Variants in UGT2B7 observed in about 807,000 individuals in gnomAD.
UGT2B7 encodes UDP-glucuronosyltransferase 2B7.
UGT2B7 carries 51 observed loss-of-function variants against 51.9 expected under a neutral mutation model. The ratio of observed to expected loss-of-function variants is 0.98; its 90% CI spans 0.78 to 1.24. The LOEUF is 1.24. Among genes scored for constraint, UGT2B7 ranks in the 50% most tolerant of loss-of-function variants. The probability of loss-of-function intolerance (pLI) is 0.00; values close to 1 mark genes in which losing one functional copy is unlikely to be tolerated. For synonymous variants in UGT2B7, 225 were observed against 211.6 expected (o/e 1.06, Z -0.55); for missense variants, 727 against 628.4 (o/e 1.16, Z -1.68).
At chr4:69,102,671 C>G in intron 2 of UGT2B7, 136 bp from the exon 3 acceptor site, 2 of 1,342,000 alleles carry the variant, frequency 1.5e-6, no homozygotes, top group Non-Finnish European at 2.0e-6. Flanking sequence ...GTGATTGGGT[C>G]AGTTAAAAAA....
At chr4:69,105,059 G>A (rs1719552693) in intron 3 of UGT2B7, among the ~76,000 whole-genome samples, 2 of 152,136 alleles carry the variant, frequency 1.3e-5, no homozygotes, top group Admixed American at 1.3e-4. Context: ...CCCAGCCAAT[G>A]TCTGAAGCAG....
chr4:69,109,460 C>G (rs1291184406), intron 5 of UGT2B7, among the ~76,000 whole-genome samples: 1 of 152,040 alleles, frequency 6.6e-6, no homozygotes, highest in Admixed American at 6.6e-5. Context: ...TCATCCTGGT[C>G]TTGGATTGCA....
At position 69,098,628 on chromosome 4, in the gene UGT2B7, CTTACCAAATG is replaced by C; in HGVS notation, c.813_822del (p.Pro272IlefsTer42). ...GGAATTTTCAGTTTCCATATCCACT[CTTACCAAATG>C]TTGATTTTGTTGGAGGACTCCACTG... On this transcript the variant is annotated frameshift_variant, in exon 2 of 6. Transcript: ENST00000305231. LOFTEE classifies it high-confidence loss of function. 6.2e-7 allele frequency: 1 copy of C among 1,612,656 alleles called. No individual in the cohort carries two copies. Among genetic ancestry groups the C allele is most frequent in the South Asian group, 1.1e-5 (1 of 90,938 alleles).
chr4:69,109,410 CT>C (rs1439946109), intron 5 of UGT2B7, among the ~76,000 whole-genome samples: 1 of 152,072 alleles, frequency 6.6e-6, no homozygotes, highest in African/African-American at 2.4e-5. Context: ...TATTCCCTGA[CT>C]TTTTGTTACA....
At chr4:69,094,186 CTGGAGTGCAGTGGCGCG>C (rs1408913035), upstream of UGT2B7, among the ~76,000 whole-genome samples, 6 of 25,020 alleles carry the variant, frequency 2.4e-4, 3 homozygotes, top group South Asian at 3.2e-3. Context: ...GTCGCCCAGG[CTGGAGTGCAGTGGCGCG>C]ATCTCGGCTC....
intron 1 of UGT2B7, among the ~76,000 whole-genome samples, chr4:69,063,267 C>T (rs112627510): frequency 0.1 from 13,591 of 132,584 alleles, 934 homozygotes; most frequent in Non-Finnish European, 0.15. Flanking sequence ...TGCAGTGAGC[C>T]GAGATCGTGC....
intron 4 of UGT2B7, 87 bp from the exon 5 acceptor site, chr4:69,108,016 T>G: frequency 6.7e-7 from 1 of 1,497,940 alleles, no homozygotes; most frequent in South Asian, 1.2e-5. Flanking sequence ...GTGTTTTAGC[T>G]GGAAAACACT....
chr4:69,111,344 G>GA (rs1425467501), intron 5 of UGT2B7, among the ~76,000 whole-genome samples: 4 of 152,076 alleles, frequency 2.6e-5, no homozygotes, highest in Non-Finnish European at 5.9e-5. Context: ...GACTTTAATT[G>GA]AAAAAATCAT....
chr4:69,064,125 A>AAAGGAATG (rs1329147748), intron 1 of UGT2B7, among the ~76,000 whole-genome samples: 1 of 144,700 alleles, frequency 6.9e-6, no homozygotes, highest in Non-Finnish European at 1.5e-5. Flanking sequence ...AGAAAGAAAG[A>AAAGGAATG]AAGAAAGAAA....
At chr4:69,088,216 G>T (rs977904304) in intron 1 of UGT2B7, among the ~76,000 whole-genome samples, 2 of 151,888 alleles carry the variant, frequency 1.3e-5, no homozygotes, top group Non-Finnish European at 1.5e-5. Flanking sequence ...CAAGTCTGCT[G>T]TTGAAGTTTT....
intron 1 of UGT2B7, among the ~76,000 whole-genome samples, chr4:69,077,402 C>A (rs1274309881): frequency 6.6e-6 from 1 of 151,994 alleles, no homozygotes; most frequent in Non-Finnish European, 1.5e-5. Flanking sequence ...GATATTGATT[C>A]TTCCTATCCA....
At chr4:69,063,688 T>C (rs1306223961) in intron 1 of UGT2B7, among the ~76,000 whole-genome samples, 1 of 152,178 alleles carries the variant, frequency 6.6e-6, no homozygotes, top group African/African-American at 2.4e-5. Flanking sequence ...ATAGCTCATG[T>C]CCCAGTTCAG....
At position 69,059,958 on chromosome 4, in the gene UGT2B7, A is replaced by G. The variant is rs1718306042; in HGVS notation, c.-159+8356A>G. On this transcript the variant is annotated intron_variant, in intron 1 of 5. Transcript: ENST00000502942. The stretch of plus-strand genomic sequence containing the variant: ...TTTCCGTCTCTGGCTTGCACCAATT[A>G]ATGAGCCTATTTTTGCTTTTCAATG... Among the ~76,000 whole-genome samples the G allele has an allele frequency of 2.0e-5, 3 of 152,182 alleles. No individual in the cohort carries two copies. The South Asian group carries it at 6.2e-4, about 32-fold the overall frequency.
chr4:69,106,566 G>A (rs1719606377), intron 3 of UGT2B7, among the ~76,000 whole-genome samples: 1 of 152,060 alleles, frequency 6.6e-6, no homozygotes, highest in South Asian at 2.1e-4. Context: ...TAATACACCT[G>A]TGCATGGGTC....
chr4:69,095,818 T>A (rs1484009761), upstream of UGT2B7, among the ~76,000 whole-genome samples: 1 of 152,170 alleles, frequency 6.6e-6, no homozygotes, highest in East Asian at 1.9e-4. Flanking sequence ...TAAAATATTA[T>A]GTTACATAAA....
In UGT2B7 at chr4:69,097,056, C is replaced by A. The variant is rs60103519; in HGVS notation, c.536C>A (p.Thr179Asn). ...AGTCTCAGCTTCTCTCCTGGCTACA[C>A]TTTTGAAAAGCATAGTGGAGGATTT... ...VYSLSFSPGY[T>N]FEKHSGGFIF... is the part of the protein sequence containing the mutation. The change falls in exon 1 of 6, where the codon ACT (threonine) becomes AAT (asparagine). Residue 179 changes from threonine (T) to asparagine (N), a missense_variant. By Grantham distance (65) the Thr-to-Asn change is moderately conservative. Transcript: ENST00000305231. 6.2e-7 allele frequency: 1 copy of A among 1,613,772 alleles called. No individual in the cohort carries two copies. Among genetic ancestry groups the A allele is most frequent in the South Asian group, 1.1e-5 (1 of 91,072 alleles).
chr4:69,099,263 A>C (rs1388778145), intron 2 of UGT2B7, among the ~76,000 whole-genome samples: 2 of 55,654 alleles, frequency 3.6e-5, no homozygotes, highest in African/African-American at 1.0e-4. Context: ...CAGACAAAAA[A>C]AAAAAAAAAA....
At chr4:69,090,146 G>C (rs1382639005) in intron 2 of UGT2B7, among the ~76,000 whole-genome samples, 2 of 152,266 alleles carry the variant, frequency 1.3e-5, no homozygotes, top group Non-Finnish European at 2.9e-5. Context: ...TTATAGTCTA[G>C]TAGTCAGTTA....
intron 1 of UGT2B7, among the ~76,000 whole-genome samples, chr4:69,097,872 GT>G (rs1406170949): frequency 6.6e-6 from 1 of 151,950 alleles, no homozygotes; most frequent in Non-Finnish European, 1.5e-5. Context: ...TATCTACATA[GT>G]TTTTTGAAAC....
Sources: allele counts gnomAD v4.1 joint callset (sites outside exome capture counted in the v4.1 genomes callset), GRCh38; gene constraint gnomAD v4.1.1; transcripts MANE v1.5; gene names NCBI Gene and HGNC (gene_info 2026-07-23, HGNC 2026-07-21).